The following KIAA0408 variants were observed in gnomAD, a reference collection of about 807,000 sequenced individuals.
The protein encoded by KIAA0408 is KIAA0408, also known as uncharacterized protein KIAA0408.
In KIAA0408, 51 loss-of-function variants were observed where a neutral mutation model predicts 60.9. The ratio of observed to expected loss-of-function variants is 0.84; its 90% CI spans 0.67 to 1.06. KIAA0408 has a LOEUF of 1.06. Among genes scored for constraint, KIAA0408 ranks in the 50% least tolerant of loss-of-function variants. KIAA0408 has a pLI of 0.00. For synonymous variants in KIAA0408, 304 were observed against 282.4 expected, an observed-to-expected ratio of 1.08 and a Z score of -0.77; for missense variants, 787 against 833.9, an observed-to-expected ratio of 0.94 and a Z score of 0.69.
At chr6:127,457,088 A>G (rs962457119) in intron 1 of KIAA0408, among the ~76,000 whole-genome samples, 2 of 152,146 alleles carry the variant, frequency 1.3e-5, no homozygotes, top group Non-Finnish European at 2.9e-5. Flanking sequence ...CATATTCTCC[A>G]TGATCTTCTT....
At chr6:127,453,767 G>A (rs1051201011) in intron 2 of KIAA0408, 80 bp downstream of exon 2, 1 of 1,520,536 alleles carries the variant, frequency 6.6e-7, no homozygotes, top group Admixed American at 2.0e-5. Context: ...ATCAAAAACA[G>A]TTTCCAATAC....
rs1374904072 is a variant in KIAA0408 at position 127,439,541 on chromosome 6, C to T, written c.*4568G>A. On this transcript the variant is annotated 3_prime_UTR_variant, in exon 6 of 6. Coordinates refer to ENST00000483725, the MANE Select transcript of KIAA0408 (RefSeq NM_014702.5). ...GAAAGAGGGAATCAACAGAAACTCC[C>T]AATGAGAGCAAGATAAACAATTTGT... 1.3e-5 allele frequency: 2 copies of T among 151,370 alleles called. No homozygotes were observed. The highest frequency in any genetic ancestry group is 2.9e-5 in the Non-Finnish European group (2 of 67,942). The allele number at this position is 151,370 out of a possible 1,614,324, so 9.4% of individuals were successfully genotyped here. A position where few individuals can be genotyped will look rare whatever the true frequency, so the allele number is the denominator to read the frequency against.
intron 1 of KIAA0408, among the ~76,000 whole-genome samples, chr6:127,457,718 A>C (rs1163131555): frequency 6.6e-6 from 1 of 152,214 alleles, no homozygotes; most frequent in African/African-American, 2.4e-5. Context: ...CCAGTAAGCA[A>C]AGTTTAAGAG....
In KIAA0408 at chr6:127,446,765, T is replaced by G. The variant is rs1773204304; in HGVS notation, c.1554A>C (p.Thr518=). 4 of 1,613,968 alleles carry G rather than the reference T, an allele frequency of 2.5e-6. No homozygotes were observed. The highest frequency in any genetic ancestry group is 3.4e-6 in the Non-Finnish European group (4 of 1,179,984). The change falls in exon 5 of 6, where the codon ACA becomes ACC. Residue 518 remains threonine, a synonymous_variant. Coordinates refer to ENST00000483725, the MANE Select transcript of KIAA0408 (RefSeq NM_014702.5). ...VPDNPTKKST[T]GLVRQMQGHL... is the part of the protein sequence containing the mutation. ...GTCCCTGCATTTGTCTTACTAGGCC[T>G]GTTGTGGATTTCTTGGTGGGATTAT... is the stretch of plus-strand genomic sequence containing the variant.
chr6:127,447,657 C>G lies in KIAA0408; in HGVS notation c.662G>C (p.Cys221Ser). 1 of 1,609,970 alleles carries G rather than the reference C, an allele frequency of 6.2e-7. No individual in the cohort carries two copies. Residue 221 changes from cysteine (C) to serine (S), a missense_variant, in exon 5 of 6, where the codon TGC becomes TCC. Cys to Ser is a moderately radical substitution (Grantham distance 112). Transcript: ENST00000483725. ...HGDPMINNDQ[C>S]ILPISLEKEK... ...TTTTTCTAAACTGATTGGAAGAATG[C>G]ACTGGTCATTGTTGATCATGGGGTC...
rs1425145543 is a variant in KIAA0408 at position 127,440,773 on chromosome 6, AAAG to A, written c.*3333_*3335del. Reference sequence around the variant, plus strand: ...AATCTTAGAAGTAAAAACTTTTTTCAAAGAAGACTTTTATCAGACTCAATTAGC... The same window carrying A: ...AATCTTAGAAGTAAAAACTTTTTTCAAAGACTTTTATCAGACTCAATTAGC... On this transcript the variant is annotated 3_prime_UTR_variant, in exon 6 of 6. Transcript: ENST00000483725. 6 of 152,324 alleles carry A rather than the reference AAAG, an allele frequency of 3.9e-5. No homozygotes were observed. In the East Asian group the frequency reaches 1.2e-3, roughly 29 times the overall value. The allele number at this position is 152,324 out of a possible 1,614,324, so 9.4% of individuals were successfully genotyped here.
Position 127,444,208 on chromosome 6 carries a change from G to A in KIAA0408, c.1986C>T (p.Pro662=). ...ATGGAGATCTGGATGCCCATCTGGA[G>A]GGGAGACGACGATTTGCTGGTCTAG... ...RPARPANRRL[P]SRWASRSPSA... The change falls in exon 6 of 6, where the codon CCC becomes CCT. Residue 662 remains proline, a synonymous_variant. Coordinates refer to ENST00000483725, the MANE Select transcript of KIAA0408 (RefSeq NM_014702.5). 2 of 1,613,644 alleles carry A rather than the reference G, an allele frequency of 1.2e-6. No homozygotes were observed. The highest frequency in any genetic ancestry group is 1.7e-6 in the Non-Finnish European group (2 of 1,179,846).
chr6:127,446,854 T>TA lies in KIAA0408; in HGVS notation c.1464dup (p.Asn489Ter). On this transcript the variant is annotated frameshift_variant, in exon 5 of 6. Transcript: ENST00000483725. LOFTEE classifies it high-confidence loss of function. ...GTTTTCCAAATACCGGACACATCGTTACTTTGTGATATGCTACCTGTGTGA... is the reference window on the plus strand; with the variant it reads ...GTTTTCCAAATACCGGACACATCGTTAACTTTGTGATATGCTACCTGTGTGA... 6.2e-7 allele frequency: 1 copy of TA among 1,614,010 alleles called. No individual in the cohort carries two copies. Among genetic ancestry groups the TA allele is most frequent in the Non-Finnish European group, 8.5e-7 (1 of 1,179,936 alleles).
At chr6:127,456,310 A>G (rs113002158) in intron 1 of KIAA0408, among the ~76,000 whole-genome samples, 4,581 of 152,294 alleles carry the variant, frequency 0.03, 111 homozygotes, top group Middle Eastern at 0.054. Flanking sequence ...CTTTTCTACA[A>G]TTATGTAGCA....
chr6:127,447,875 A>G, intron 4 of KIAA0408, 135 bp from the exon 5 acceptor site: 2 of 1,177,496 alleles, frequency 1.7e-6, no homozygotes, highest in Non-Finnish European at 2.2e-6. Context: ...ATTTTTACAT[A>G]AATCTCCCAG....
intron 1 of KIAA0408, 150 bp from the exon 2 acceptor site, chr6:127,454,251 A>ACTAACACAG (rs1446253183): frequency 4.3e-6 from 3 of 705,834 alleles, no homozygotes; most frequent in Non-Finnish European, 5.5e-6. Context: ...AGAAGAAGAA[A>ACTAACACAG]CTAACACAGT....
At chr6:127,458,627 T>C (rs1314270118) in intron 1 of KIAA0408, among the ~76,000 whole-genome samples, 1 of 152,192 alleles carries the variant, frequency 6.6e-6, no homozygotes, top group Non-Finnish European at 1.5e-5. Flanking sequence ...GTGGTAAGTT[T>C]CCCTCCTAAA....
At position 127,450,269 on chromosome 6, in the gene KIAA0408, A is replaced by G; in HGVS notation, c.219T>C (p.Ile73=). ...GGGAAGATTCTATCACTTTCTCTGG[A>G]ATGGTCTTCTCATGGTAAAGATCAA... ...KIIDLYHEKT[I]PEKVIESSPN... is the part of the protein sequence containing the mutation. Residue 73 remains isoleucine, a synonymous_variant, in exon 3 of 6, where the codon ATT becomes ATC. Transcript: ENST00000483725. 6.2e-7 allele frequency: 1 copy of G among 1,613,756 alleles called. No individual in the cohort carries two copies. Among genetic ancestry groups the G allele is most frequent in the Non-Finnish European group, 8.5e-7 (1 of 1,179,944 alleles).
chr6:127,457,467 C>G (rs1249070878), intron 1 of KIAA0408, among the ~76,000 whole-genome samples: 1 of 152,176 alleles, frequency 6.6e-6, no homozygotes, highest in Non-Finnish European at 1.5e-5. Context: ...CTTTGGCTCT[C>G]CAGTTTATGT....
intron 5 of KIAA0408, among the ~76,000 whole-genome samples, chr6:127,444,829 T>G (rs546045036): frequency 6.6e-6 from 1 of 152,240 alleles, no homozygotes; most frequent in South Asian, 2.1e-4. Flanking sequence ...TAAATACATC[T>G]TCATTCTAAT....
At position 127,459,198 on chromosome 6, in the gene KIAA0408, A is replaced by G. The variant is rs58998261; in HGVS notation, c.-144T>C. The G allele has an allele frequency of 9.8e-5, 15 of 152,350 alleles. No homozygotes were observed. The highest frequency in any genetic ancestry group is 7.7e-4 in the East Asian group (4 of 5,186). 9.4% of individuals were successfully genotyped at this position (152,350 alleles called of 1,614,324 possible). On this transcript the variant is annotated 5_prime_UTR_variant, in exon 1 of 6. Coordinates refer to ENST00000483725, the MANE Select transcript of KIAA0408 (RefSeq NM_014702.5). Reference sequence around the variant, plus strand: ...ACCTTTCACACTGGGGAGAAATCCTATGGATGCTCGACCACTGGTCAATTA... The same window carrying G: ...ACCTTTCACACTGGGGAGAAATCCTGTGGATGCTCGACCACTGGTCAATTA...
At chr6:127,454,203 T>C (rs1054651850) in intron 1 of KIAA0408, 102 bp from the exon 2 acceptor site, 12 of 1,153,292 alleles carry the variant, frequency 1.0e-5, no homozygotes, top group Middle Eastern at 3.4e-4. Context: ...TATAGGAAAA[T>C]TGGACTCAAA....
At position 127,450,206 on chromosome 6, in the gene KIAA0408, C is replaced by T; in HGVS notation, c.282G>A (p.Arg94=). The stretch of plus-strand genomic sequence containing the variant: ...TTCTCAGACCATCTTTGTGATTCGT[C>T]CTTATAAATTCACTTTGTCCTAAAT... ...YPDLGQSEFI[R]TNHKDGLRKE... is the part of the protein sequence containing the mutation. The change falls in exon 3 of 6, where the codon AGG becomes AGA. Residue 94 remains arginine (R), a synonymous_variant. Transcript: ENST00000483725. The T allele has an allele frequency of 6.2e-7, 1 of 1,613,988 alleles. No homozygotes were observed. Among genetic ancestry groups the T allele is most frequent in the Non-Finnish European group, 8.5e-7 (1 of 1,179,958 alleles).
intron 4 of KIAA0408, among the ~76,000 whole-genome samples, chr6:127,448,954 G>A (rs1583068406): frequency 6.6e-6 from 1 of 152,216 alleles, no homozygotes; most frequent in Non-Finnish European, 1.5e-5. Flanking sequence ...AGTATATACT[G>A]TTTCCAAATG....
Sources: allele counts gnomAD v4.1 joint callset (sites outside exome capture counted in the v4.1 genomes callset), GRCh38; gene constraint gnomAD v4.1.1; transcripts MANE v1.5; gene names NCBI Gene and HGNC (gene_info 2026-07-23, HGNC 2026-07-21).